ZC4H2: variants seen among roughly 807,000 people sequenced by gnomAD.
ZC4H2 encodes the protein zinc finger C4H2 domain-containing protein.
For missense variants in ZC4H2, 137 were observed against 173.9 expected (o/e 0.79, Z 1.19); for synonymous variants, 84 against 66.3 (o/e 1.27, Z -1.30).
chrX:64,936,082 C>A (rs1215808201), intron 1 of ZC4H2, among the ~76,000 whole-genome samples: 1 of 109,566 alleles, frequency 9.1e-6, no homozygotes, highest in Non-Finnish European at 1.9e-5. Flanking sequence ...ACATAAATGA[C>A]CTGATGGGGA....
At chrX:64,947,246 T>A (rs1347288150) in intron 1 of ZC4H2, among the ~76,000 whole-genome samples, 2 of 112,257 alleles carry the variant, frequency 1.8e-5, no homozygotes, top group Non-Finnish European at 3.8e-5. Context: ...TTATTTTATA[T>A]CCCAGGAAAT....
chrX:64,957,910 T>C (rs932552897), intron 1 of ZC4H2, among the ~76,000 whole-genome samples: 4 of 111,044 alleles, frequency 3.6e-5, no homozygotes. Flanking sequence ...ACACACATAT[T>C]AGCCTAGGCC....
intron 1 of ZC4H2, among the ~76,000 whole-genome samples, chrX:64,932,680 G>A (rs913595825): frequency 7.2e-5 from 8 of 111,549 alleles, no homozygotes; most frequent in African/African-American, 2.6e-4. Context: ...GGAGGTGAAA[G>A]GTAAGACTCC....
At chrX:65,003,335 G>T (rs1932587633) in intron 1 of ZC4H2, among the ~76,000 whole-genome samples, 2 of 111,494 alleles carry the variant, frequency 1.8e-5, no homozygotes, top group African/African-American at 6.5e-5. Context: ...CAGTGGGAAA[G>T]ATCTAAAATC....
intron 1 of ZC4H2, among the ~76,000 whole-genome samples, chrX:65,016,882 T>A (rs991496687): frequency 1.8e-5 from 2 of 111,812 alleles, no homozygotes; most frequent in African/African-American, 6.5e-5. Flanking sequence ...ACTTTGATGA[T>A]CCCAGCAAAA....
intron 1 of ZC4H2, among the ~76,000 whole-genome samples, chrX:64,973,448 C>G (rs184015515): frequency 9.1e-6 from 1 of 109,706 alleles, no homozygotes; most frequent in African/African-American, 3.3e-5. Context: ...CTTTACATCT[C>G]TTTACATTTA....
chrX:64,918,151 C>T (rs548097608), intron 4 of ZC4H2: 16 of 273,490 alleles, frequency 5.9e-5, no homozygotes, highest in East Asian at 1.4e-4. Context: ...CACATCTTTT[C>T]GTCATTATAA....
intron 1 of ZC4H2, among the ~76,000 whole-genome samples, chrX:65,028,167 TCTAGCTAGCTAG>T (rs767894247): frequency 9.0e-6 from 1 of 111,466 alleles, no homozygotes; most frequent in South Asian, 3.8e-4. Context: ...TAGCCAGCTA[TCTAGCTAGCTAG>T]CTAGCTAGCT....
intron 1 of ZC4H2, among the ~76,000 whole-genome samples, chrX:65,006,537 C>T (rs1317486988): frequency 1.0e-5 from 1 of 99,335 alleles, no homozygotes; most frequent in Non-Finnish European, 2.0e-5. Flanking sequence ...GGAAGGGGAA[C>T]ATCACACATC....
intron 1 of ZC4H2, among the ~76,000 whole-genome samples, chrX:64,923,437 C>T (rs749798664): frequency 2.3e-4 from 25 of 110,165 alleles, no homozygotes; most frequent in South Asian, 3.8e-4. Flanking sequence ...CTTTCTTCTC[C>T]CTCAGTAGCT....
intron 1 of ZC4H2, among the ~76,000 whole-genome samples, chrX:64,961,496 T>C (rs951307897): frequency 1.8e-5 from 2 of 111,278 alleles, no homozygotes; most frequent in Non-Finnish European, 3.8e-5. Flanking sequence ...ACATATGAAA[T>C]GGATTTATAA....
chrX:64,989,199 C>A (rs932822305), intron 1 of ZC4H2, among the ~76,000 whole-genome samples: 1 of 111,686 alleles, frequency 9.0e-6, no homozygotes, highest in Non-Finnish European at 1.9e-5. Flanking sequence ...CTTGGCAATG[C>A]GGGCTCTTCT....
At chrX:65,002,896 A>G (rs1932572855) in intron 1 of ZC4H2, among the ~76,000 whole-genome samples, 1 of 108,946 alleles carries the variant, frequency 9.2e-6, no homozygotes, top group African/African-American at 3.4e-5. Flanking sequence ...CCCTAATCTC[A>G]AGTACCCAAG....
intron 1 of ZC4H2, among the ~76,000 whole-genome samples, chrX:65,021,587 T>C (rs1432438746): frequency 2.7e-5 from 3 of 111,041 alleles, no homozygotes; most frequent in Non-Finnish European, 5.6e-5. Context: ...AGATCTAAAA[T>C]TGACACCCTA....
At chrX:64,925,326 G>A (rs1390313268) in intron 1 of ZC4H2, among the ~76,000 whole-genome samples, 1 of 111,956 alleles carries the variant, frequency 8.9e-6, no homozygotes, top group Non-Finnish European at 1.9e-5. Flanking sequence ...TTCACTATTT[G>A]GGTGATGGGT....
chrX:64,983,695 T>C (rs777070042), intron 1 of ZC4H2, among the ~76,000 whole-genome samples: 17 of 112,241 alleles, frequency 1.5e-4, no homozygotes, highest in Non-Finnish European at 2.6e-4. Context: ...CATAAAAATG[T>C]ATCTCAACTT....
At chrX:64,918,788 C>T (rs1342932155) in intron 4 of ZC4H2, 3 of 275,416 alleles carry the variant, frequency 1.1e-5, no homozygotes, top group Non-Finnish European at 1.9e-5. Flanking sequence ...TCATTTCTAA[C>T]TTTTAGAATT....
intron 1 of ZC4H2, among the ~76,000 whole-genome samples, chrX:64,989,461 A>G (rs1198295071): frequency 9.0e-6 from 1 of 111,653 alleles, no homozygotes; most frequent in Non-Finnish European, 1.9e-5. Context: ...ATTCCTAGGT[A>G]TTTTATTCTC....
At chrX:64,922,218 A>T in intron 1 of ZC4H2, 1 of 613,357 alleles carries the variant, frequency 1.6e-6, no homozygotes. Flanking sequence ...TGAAACCAGC[A>T]TGGGCAACAT....
Sources: gnomAD v4.1 joint callset for allele counts (sites outside exome capture counted in the v4.1 genomes callset) on GRCh38, gnomAD v4.1.1 for gene constraint, MANE v1.5 for transcripts, NCBI Gene and HGNC (gene_info 2026-07-23, HGNC 2026-07-21) for gene names.